The following GRID2 variants were observed in gnomAD, a reference collection of about 807,000 sequenced individuals.
GRID2 encodes the protein glutamate ionotropic receptor delta type subunit 2.
A neutral mutation model predicts 114.8 loss-of-function variants in GRID2; 33 were observed. The observed-to-expected ratio is 0.29, with a 90% CI of 0.22 to 0.38. The LOEUF (loss-of-function observed/expected upper bound fraction) is 0.38. Among genes scored for constraint, GRID2 ranks in the 10% least tolerant of loss-of-function variants. The pLI is 1.00. For synonymous variants in GRID2, 505 were observed against 449.9 expected (o/e 1.12, Z -1.55); for missense variants, 1,184 against 1,257.7 (o/e 0.94, Z 0.89).
chr4:92,915,901 T>A (rs944315213), intron 2 of GRID2, among the ~76,000 whole-genome samples: 1 of 152,178 alleles, frequency 6.6e-6, no homozygotes, highest in Non-Finnish European at 1.5e-5. Flanking sequence ...TTGCCCAATT[T>A]TTAATGGGGT....
chr4:92,657,584 A>C (rs570132203), intron 2 of GRID2, among the ~76,000 whole-genome samples: 2 of 151,840 alleles, frequency 1.3e-5, no homozygotes, highest in South Asian at 4.1e-4. Context: ...ATTTAGAATT[A>C]AGCGTGTGTC....
chr4:93,128,540 G>T lies in GRID2; in HGVS notation c.735+17587G>T, dbSNP rs186204591. 8.9e-4 allele frequency among the ~76,000 whole-genome samples: 135 copies of T among 152,298 alleles called. 1 individual carries two copies. The highest frequency in any genetic ancestry group is 2.6e-4 in the Non-Finnish European group (18 of 68,030). ...GAACAAAAGAGAAATGTTAATGGTG[G>T]TTTAATCTAAGAGATCCAATTTGTC... On this transcript the variant is annotated intron_variant, in intron 4 of 15. Coordinates refer to ENST00000282020, the MANE Select transcript of GRID2 (RefSeq NM_001510.4).
chr4:93,650,830 T>C (rs952427209), intron 14 of GRID2, among the ~76,000 whole-genome samples: 1 of 141,124 alleles, frequency 7.1e-6, no homozygotes, highest in South Asian at 2.4e-4. Context: ...CTCCCTGTTA[T>C]CATTGATTAA....
chr4:92,353,722 G>A (rs1300000375), intron 1 of GRID2, among the ~76,000 whole-genome samples: 5 of 151,918 alleles, frequency 3.3e-5, no homozygotes, highest in Non-Finnish European at 5.9e-5. Context: ...CTCCTTCAAC[G>A]CTTAACCAGA....
intron 2 of GRID2, among the ~76,000 whole-genome samples, chr4:92,869,546 G>A (rs564893563): frequency 3.6e-4 from 55 of 152,252 alleles, no homozygotes; most frequent in South Asian, 1.0e-3. Context: ...AAACATGGTA[G>A]ATCTAACATT....
At chr4:93,660,415 G>A (rs1021220934) in intron 14 of GRID2, among the ~76,000 whole-genome samples, 2 of 152,086 alleles carry the variant, frequency 1.3e-5, no homozygotes, top group Non-Finnish European at 2.9e-5. Context: ...GAGAAAAAAA[G>A]GAAGTCAGAG....
intron 4 of GRID2, among the ~76,000 whole-genome samples, chr4:93,126,799 G>A (rs1049089170): frequency 5.3e-5 from 8 of 151,144 alleles, no homozygotes; most frequent in Admixed American, 4.0e-4. Context: ...GGGTTTCACC[G>A]TGTTAGCCAG....
Position 93,531,636 on chromosome 4 carries a change from A to T in GRID2, c.2193+16225A>T, listed in dbSNP as rs893725208. Reference sequence around the variant, plus strand: ...AGTGTAAATATTATATTAAGTTGATAATAGATAAACAAAAACAAGTATGAT... The same window carrying T: ...AGTGTAAATATTATATTAAGTTGATTATAGATAAACAAAAACAAGTATGAT... On this transcript the variant is annotated intron_variant, in intron 13 of 15. Transcript: ENST00000282020. Among the ~76,000 whole-genome samples the T allele has an allele frequency of 3.3e-5, 5 of 152,142 alleles. No homozygotes were observed. In the South Asian group the frequency reaches 1.0e-3, roughly 32 times the overall value.
At chr4:93,022,209 CACACACACAA>C (rs1004095370) in intron 2 of GRID2, among the ~76,000 whole-genome samples, 34 of 151,868 alleles carry the variant, frequency 2.2e-4, no homozygotes, top group African/African-American at 7.2e-4. Context: ...CGCATATACA[CACACACACAA>C]ACACACACAT....
intron 12 of GRID2, among the ~76,000 whole-genome samples, chr4:93,506,082 T>C (rs1728598176): frequency 6.6e-6 from 1 of 152,186 alleles, no homozygotes; most frequent in South Asian, 2.1e-4. Flanking sequence ...AACTAACTCC[T>C]AAGTTTGTAA....
intron 14 of GRID2, among the ~76,000 whole-genome samples, chr4:93,651,350 G>A (rs1022867580): frequency 1.3e-4 from 20 of 152,166 alleles, no homozygotes; most frequent in Non-Finnish European, 5.9e-5. Flanking sequence ...TTAAAATTCA[G>A]GACAGCTAAA....
intron 14 of GRID2, among the ~76,000 whole-genome samples, chr4:93,746,015 C>T (rs1054144864): frequency 6.6e-6 from 1 of 152,056 alleles, no homozygotes; most frequent in African/African-American, 2.4e-5. Context: ...AATAGAAGTA[C>T]TGCAGATAGT....
chr4:92,739,052 A>G (rs1736740399), intron 2 of GRID2, among the ~76,000 whole-genome samples: 1 of 152,150 alleles, frequency 6.6e-6, no homozygotes. Context: ...ATATTCGAAG[A>G]ACAAAAGAGT....
chr4:93,026,743 T>A (rs1247524490), intron 2 of GRID2, among the ~76,000 whole-genome samples: 1 of 151,998 alleles, frequency 6.6e-6, no homozygotes, highest in African/African-American at 2.4e-5. Flanking sequence ...TTTTTAATGC[T>A]GGGTGGAGTA....
At chr4:92,656,250 A>G (rs1373891460) in intron 2 of GRID2, among the ~76,000 whole-genome samples, 1 of 151,738 alleles carries the variant, frequency 6.6e-6, no homozygotes, top group East Asian at 1.9e-4. Context: ...ACAAGGTATG[A>G]GGTGATATCT....
At chr4:93,582,576 G>C (rs1002321179) in intron 13 of GRID2, among the ~76,000 whole-genome samples, 3 of 152,092 alleles carry the variant, frequency 2.0e-5, no homozygotes, top group African/African-American at 7.2e-5. Flanking sequence ...AGGTTTATCA[G>C]AAATAGAATG....
intron 14 of GRID2, among the ~76,000 whole-genome samples, chr4:93,748,526 T>A (rs1732041219): frequency 6.6e-6 from 1 of 152,188 alleles, no homozygotes; most frequent in Non-Finnish European, 1.5e-5. Context: ...TTGAAACTTG[T>A]CTTTGAACAG....
At chr4:92,843,414 T>C (rs1743060760) in intron 2 of GRID2, among the ~76,000 whole-genome samples, 1 of 152,066 alleles carries the variant, frequency 6.6e-6, no homozygotes, top group African/African-American at 2.4e-5. Context: ...CTGTAGAACT[T>C]TGGTTTTTAT....
chr4:92,548,430 C>G (rs1313873649), intron 1 of GRID2, among the ~76,000 whole-genome samples: 3 of 11,046 alleles, frequency 2.7e-4, no homozygotes, highest in Admixed American at 2.0e-3. Context: ...GAGACAGAGT[C>G]TTGTTCTGTC....
Sources: gnomAD v4.1 joint callset for allele counts (sites outside exome capture counted in the v4.1 genomes callset) on GRCh38, gnomAD v4.1.1 for gene constraint, MANE v1.5 for transcripts, NCBI Gene and HGNC (gene_info 2026-07-23, HGNC 2026-07-21) for gene names.